WDR7: variants seen among roughly 807,000 people sequenced by gnomAD.
WDR7 encodes the protein WD repeat-containing protein 7.
WDR7 carries 46 observed loss-of-function variants against 169.4 expected under a neutral mutation model. That is an observed-to-expected ratio of 0.27 (90% CI 0.21 to 0.35). The LOEUF (loss-of-function observed/expected upper bound fraction) is 0.35. Among genes scored for constraint, WDR7 ranks in the 10% least tolerant of loss-of-function variants. The pLI is 1.00. For synonymous variants in WDR7, 612 were observed against 666.8 expected (o/e 0.92, Z 1.27); for missense variants, 1,534 against 1,859.3 (o/e 0.83, Z 3.22).
intron 26 of WDR7, among the ~76,000 whole-genome samples, chr18:56,996,585 GAT>G (rs1373489739): frequency 1.1e-4 from 16 of 152,316 alleles, no homozygotes; most frequent in African/African-American, 3.8e-4. Context: ...GCTGCTGGTA[GAT>G]TAGGAAATCA....
At chr18:56,980,228 C>T (rs58257970) in intron 26 of WDR7, among the ~76,000 whole-genome samples, 8,970 of 152,262 alleles carry the variant, frequency 0.059, 859 homozygotes, top group African/African-American at 0.2. Context: ...GAGCTATCCT[C>T]TTTCCCTCAG....
Position 56,756,815 on chromosome 18 carries a change from T to C in WDR7, c.2222T>C (p.Val741Ala). 6.2e-7 allele frequency: 1 copy of C among 1,614,012 alleles called. No homozygotes were observed. Residue 741 changes from valine to alanine, a missense_variant, in exon 15 of 28, where the codon GTT (valine) becomes GCT (alanine). By Grantham distance (64) the Val-to-Ala change is moderately conservative. Coordinates refer to ENST00000254442, the MANE Select transcript of WDR7 (RefSeq NM_015285.3). Reference protein sequence around the residue: ...GSFLTGKRAAVLFQQVKETIK... With the variant: ...GSFLTGKRAAALFQQVKETIK... ...TTTTTAACTGGAAAACGAGCAGCAG[T>C]TCTCTTCCAACAAGTGAAAGAAACG...
Position 56,692,468 on chromosome 18 carries a change from G to T in WDR7, c.966+651G>T, listed in dbSNP as rs1050251174. Among the ~76,000 whole-genome samples, 7 of 144,662 alleles carry T rather than the reference G, an allele frequency of 4.8e-5. 1 individual carries two copies. The highest frequency in any genetic ancestry group is 3.0e-5 in the Non-Finnish European group (2 of 66,452). The allele number at this position is 144,662 out of a possible 152,430, so 94.9% of individuals were successfully genotyped here. ...TTTTTTTTTTTTAATTGATGTTCTA[G>T]GTTTCCATGGCTTTATCATTCTGAA... On this transcript the variant is annotated intron_variant, in intron 9 of 27. Transcript: ENST00000254442.
At chr18:57,015,499 G>C (rs528291764) in intron 26 of WDR7, among the ~76,000 whole-genome samples, 1 of 152,038 alleles carries the variant, frequency 6.6e-6, no homozygotes, top group African/African-American at 2.4e-5. Flanking sequence ...TTTTGAAATG[G>C]CTCTTTTTTG....
intron 26 of WDR7, chr18:57,009,943 A>G (rs1286051845): frequency 1.0e-6 from 1 of 985,308 alleles, no homozygotes; most frequent in East Asian, 1.1e-4. Flanking sequence ...AACCCAAATC[A>G]AAACCCACGA....
At chr18:56,989,967 G>A (rs1422344567) in intron 26 of WDR7, among the ~76,000 whole-genome samples, 18 of 152,080 alleles carry the variant, frequency 1.2e-4, no homozygotes, top group Non-Finnish European at 1.8e-4. Context: ...GAGCAAACAG[G>A]ACCATGTAAA....
intron 19 of WDR7, among the ~76,000 whole-genome samples, chr18:56,789,046 A>C (rs141856739): frequency 6.6e-6 from 1 of 152,190 alleles, no homozygotes; most frequent in African/African-American, 2.4e-5. Flanking sequence ...AGTCAGAGCT[A>C]TTGAGCTTAA....
At chr18:56,910,565 A>G (rs1284431049) in intron 21 of WDR7, among the ~76,000 whole-genome samples, 1 of 152,120 alleles carries the variant, frequency 6.6e-6, no homozygotes, top group Non-Finnish European at 1.5e-5. Flanking sequence ...TTTTTTCAAC[A>G]TAGACTTTGA....
At chr18:57,020,375 T>C (rs938446883) in intron 26 of WDR7, among the ~76,000 whole-genome samples, 1 of 152,232 alleles carries the variant, frequency 6.6e-6, no homozygotes, top group African/African-American at 2.4e-5. Flanking sequence ...ATGAGCAAAG[T>C]TCCTGGATAC....
At chr18:56,814,872 CATTATT>C (rs559511181) in intron 19 of WDR7, among the ~76,000 whole-genome samples, 2 of 151,558 alleles carry the variant, frequency 1.3e-5, no homozygotes. Context: ...CATTCTTTAG[CATTATT>C]ATTATTATTA....
At chr18:56,731,738 C>A in intron 14 of WDR7, 141 bp downstream of exon 14, 1 of 762,264 alleles carries the variant, frequency 1.3e-6, no homozygotes, top group Non-Finnish European at 2.0e-6. Context: ...TAGGTTTATC[C>A]AACATGGTTT....
At chr18:56,864,964 C>A (rs149578522) in intron 20 of WDR7, among the ~76,000 whole-genome samples, 3 of 152,010 alleles carry the variant, frequency 2.0e-5, no homozygotes, top group African/African-American at 7.2e-5. Flanking sequence ...TGAGGTTATG[C>A]CATGTTATCC....
At chr18:56,855,970 G>A (rs577962627) in intron 20 of WDR7, among the ~76,000 whole-genome samples, 17 of 152,212 alleles carry the variant, frequency 1.1e-4, no homozygotes, top group African/African-American at 3.6e-4. Context: ...AGCTATTCAT[G>A]ACAAACTGCA....
rs1568291183 is a variant in WDR7 at position 56,967,156 on chromosome 18, A to ACCTACAAAACTAGCTTTCCTCGT, written c.4164+4627_4164+4628insCCTACAAAACTAGCTTTCCTCGT. Among the ~76,000 whole-genome samples, 301 of 152,224 alleles carry ACCTACAAAACTAGCTTTCCTCGT rather than the reference A, an allele frequency of 2.0e-3. 2 individuals carry two copies. Among genetic ancestry groups the ACCTACAAAACTAGCTTTCCTCGT allele is most frequent in the African/African-American group, 6.8e-3 (281 of 41,470 alleles). On this transcript the variant is annotated intron_variant, in intron 26 of 27. Transcript: ENST00000254442. ...CTAGGCTTTTGTAGGTGCTAAGGCC[A>ACCTACAAAACTAGCTTTCCTCGT]GGAGTTCAGCCTGCTCAATAGGGAG... is the stretch of plus-strand genomic sequence containing the variant.
chr18:56,990,418 A>G (rs779498552), intron 26 of WDR7, among the ~76,000 whole-genome samples: 2 of 152,218 alleles, frequency 1.3e-5, no homozygotes, highest in African/African-American at 2.4e-5. Flanking sequence ...TTTACGTTTC[A>G]TTTTAAACTT....
At chr18:56,780,176 G>C (rs532441076) in intron 18 of WDR7, among the ~76,000 whole-genome samples, 2 of 152,258 alleles carry the variant, frequency 1.3e-5, no homozygotes, top group Admixed American at 1.3e-4. Context: ...TCACTAAATG[G>C]TAGCCACTAT....
chr18:56,656,610 G>A (rs910384196), intron 1 of WDR7, among the ~76,000 whole-genome samples: 1 of 148,968 alleles, frequency 6.7e-6, no homozygotes, highest in Non-Finnish European at 1.5e-5. Context: ...CTGTTCTGAT[G>A]TGTGATGATA....
chr18:56,745,492 A>G (rs1027788835), intron 14 of WDR7, among the ~76,000 whole-genome samples: 2 of 152,174 alleles, frequency 1.3e-5, no homozygotes, highest in East Asian at 3.9e-4. Context: ...TTAGAGTCTC[A>G]TAAGGAACGC....
At position 57,009,008 on chromosome 18, in the gene WDR7, C is replaced by T. The variant is rs1476475819; in HGVS notation, c.4165-11737C>T. ...AAACCAGCAAAGACAAATTTTAATC[C>T]ACTAAGTGAAAGTGGATAGTCTAAG... On this transcript the variant is annotated intron_variant, in intron 26 of 27. Coordinates refer to ENST00000254442, the MANE Select transcript of WDR7 (RefSeq NM_015285.3). Among the ~76,000 whole-genome samples the T allele has an allele frequency of 2.0e-5, 3 of 148,382 alleles. No homozygotes were observed. The Admixed American group carries it at 2.1e-4, about 10-fold the overall frequency.
Sources: allele counts gnomAD v4.1 joint callset (sites outside exome capture counted in the v4.1 genomes callset), GRCh38; gene constraint gnomAD v4.1.1; transcripts MANE v1.5; gene names NCBI Gene and HGNC (gene_info 2026-07-23, HGNC 2026-07-21).